Variants in CTDP1 observed in about 807,000 individuals in gnomAD.
CTDP1 encodes CTD phosphatase 1.
In CTDP1, 47 loss-of-function variants were observed where a neutral mutation model predicts 91.8. That is an observed-to-expected ratio of 0.51 (90% CI 0.41 to 0.65). CTDP1 has a LOEUF of 0.65. Ranked by LOEUF, CTDP1 falls within the 30% of genes least tolerant of loss-of-function variation. CTDP1 has a pLI of 0.00. For missense variants in CTDP1, 1,272 were observed against 1,373.7 expected (o/e 0.93, Z 1.17); for synonymous variants, 656 against 598.5 (o/e 1.10, Z -1.40).
chr18:79,714,976 G>A lies in CTDP1; in HGVS notation c.1516G>A (p.Gly506Arg), dbSNP rs1442575366. The part of the protein sequence containing the change: ...ALAQGSSLEP[G>R]RPAAPSLPGE... ...GGCACAGGGCAGTTCCCTGGAGCCGGGGCGGCCTGCAGCACCGAGTCTCCC... is the reference window on the plus strand; with the variant it reads ...GGCACAGGGCAGTTCCCTGGAGCCGAGGCGGCCTGCAGCACCGAGTCTCCC... Residue 506 changes from glycine (G) to arginine (R), a missense_variant, in exon 8 of 13, where the codon GGG becomes AGG. Transcript: ENST00000613122. The A allele has an allele frequency of 1.3e-6, 2 of 1,571,274 alleles. No individual in the cohort carries two copies. The highest frequency in any genetic ancestry group is 1.2e-5 in the South Asian group (1 of 86,192).
At chr18:79,724,426 T>G (rs2086405202) in intron 10 of CTDP1, among the ~76,000 whole-genome samples, 1 of 152,216 alleles carries the variant, frequency 6.6e-6, no homozygotes, top group Non-Finnish European at 1.5e-5. Context: ...CATCATCATT[T>G]CATGTTTTCA....
chr18:79,681,488 G>T (rs370036922), intron 1 of CTDP1: 3 of 985,316 alleles, frequency 3.0e-6, no homozygotes, highest in Non-Finnish European at 3.6e-6. Context: ...TCCTCTGATT[G>T]TACAGAAAGG....
At position 79,680,060 on chromosome 18, in the gene CTDP1, C is replaced by T. The variant is rs1292042896; in HGVS notation, c.113C>T (p.Ala38Val). 36 of 1,252,170 alleles carry T rather than the reference C, an allele frequency of 2.9e-5. No homozygotes were observed. Among genetic ancestry groups the T allele is most frequent in the Admixed American group, 4.2e-5 (1 of 23,562 alleles). The allele number at this position is 1,252,170 out of a possible 1,614,324, so 77.6% of individuals were successfully genotyped here. A position where few individuals can be genotyped will look rare whatever the true frequency, so the allele number is the denominator to read the frequency against. ...CTGCGCCTGCTGGAGTGGAGGGTGG[C>T]GGCGGGCGCGGCCGTGCGCATCGGC... ...APLRLLEWRV[A>V]AGAAVRIGSV... The change falls in exon 1 of 13, where the codon GCG becomes GTG. Residue 38 changes from alanine (A) to valine (V), a missense_variant. Ala to Val is a moderately conservative substitution (Grantham distance 64). Coordinates refer to ENST00000613122, the MANE Select transcript of CTDP1 (RefSeq NM_004715.5).
chr18:79,720,778 G>A (rs985675694), intron 10 of CTDP1, among the ~76,000 whole-genome samples: 2 of 152,114 alleles, frequency 1.3e-5, no homozygotes, highest in Admixed American at 6.5e-5. Flanking sequence ...TGACGCTGAC[G>A]ACCCACGGTT....
intron 10 of CTDP1, among the ~76,000 whole-genome samples, chr18:79,721,098 G>T (rs960376626): frequency 6.6e-6 from 1 of 152,170 alleles, no homozygotes; most frequent in African/African-American, 2.4e-5. Flanking sequence ...AGGCATAGCT[G>T]ATCCCACACG....
Position 79,680,166 on chromosome 18 carries a change from C to T in CTDP1, c.219C>T (p.Cys73=), listed in dbSNP as rs2085329094. ...AGTCCCGTGTAGCCTCCGGGGGCTGCGTGCGCCCCGCGCGGCCGGAACGCA... is the reference window on the plus strand; with the variant it reads ...AGTCCCGTGTAGCCTCCGGGGGCTGTGTGCGCCCCGCGCGGCCGGAACGCA... ...ASQSRVASGG[C]VRPARPERRL... is the part of the protein sequence containing the mutation. The change falls in exon 1 of 13, where the codon TGC becomes TGT. Residue 73 remains cysteine (C), a synonymous_variant. Coordinates refer to ENST00000613122, the MANE Select transcript of CTDP1 (RefSeq NM_004715.5). 1.0e-5 allele frequency: 14 copies of T among 1,388,598 alleles called. No homozygotes were observed. Among genetic ancestry groups the T allele is most frequent in the Non-Finnish European group, 1.3e-5 (14 of 1,077,032 alleles). The allele number at this position is 1,388,598 out of a possible 1,614,324, so 86.0% of individuals were successfully genotyped here. A position where few individuals can be genotyped will look rare whatever the true frequency, so the allele number is the denominator to read the frequency against.
At chr18:79,729,131 G>T (rs1444377405) in intron 11 of CTDP1, 62 bp downstream of exon 11, 4 of 1,602,378 alleles carry the variant, frequency 2.5e-6, no homozygotes, top group Non-Finnish European at 1.7e-6. Flanking sequence ...CAGAGCTCTG[G>T]TGTGCGGGCG....
At chr18:79,748,267 G>A (rs970707335) in intron 12 of CTDP1, among the ~76,000 whole-genome samples, 3 of 152,286 alleles carry the variant, frequency 2.0e-5, no homozygotes, top group Non-Finnish European at 2.9e-5. Flanking sequence ...TCCAAACATC[G>A]TTTAACTAAG....
In CTDP1 at chr18:79,696,081, C is replaced by CAT; in HGVS notation, c.492+12_492+13dup. The CAT allele has an allele frequency of 1.2e-6, 2 of 1,609,102 alleles. No homozygotes were observed. The highest frequency in any genetic ancestry group is 1.7e-6 in the Non-Finnish European group (2 of 1,179,400). On this transcript the variant is annotated intron_variant, in intron 3 of 12. Coordinates refer to ENST00000613122, the MANE Select transcript of CTDP1 (RefSeq NM_004715.5). Reference sequence around the variant, plus strand: ...ATGGTGAGCTCCGAGGTGAGCCGGGCATCAGTGGCGGCGTGTTGGGGAAGC... The same window carrying CAT: ...ATGGTGAGCTCCGAGGTGAGCCGGGCATATCAGTGGCGGCGTGTTGGGGAAGC...
intron 11 of CTDP1, among the ~76,000 whole-genome samples, chr18:79,731,728 T>C (rs1008475537): frequency 3.9e-5 from 6 of 152,230 alleles, no homozygotes; most frequent in African/African-American, 1.4e-4. Context: ...AAATTAACGT[T>C]GTAATTTTAT....
At chr18:79,719,830 C>T (rs1222233966) in intron 10 of CTDP1, among the ~76,000 whole-genome samples, 1 of 148,330 alleles carries the variant, frequency 6.7e-6, no homozygotes, top group Admixed American at 6.7e-5. Context: ...ATGATGTCAT[C>T]TCCTGCTGTT....
At chr18:79,731,281 G>A (rs1001588861) in intron 11 of CTDP1, among the ~76,000 whole-genome samples, 28 of 152,180 alleles carry the variant, frequency 1.8e-4, no homozygotes, top group African/African-American at 2.2e-4. Flanking sequence ...GGCCATTTCC[G>A]GCGCGTCAGT....
intron 3 of CTDP1, 150 bp from the exon 4 acceptor site, chr18:79,697,710 C>G (rs1246659443): frequency 2.5e-6 from 3 of 1,181,452 alleles, no homozygotes; most frequent in Admixed American, 2.0e-5. Flanking sequence ...TGACCCAGCC[C>G]TGCCTCTCGG....
At chr18:79,725,084 G>C (rs888611459) in intron 10 of CTDP1, among the ~76,000 whole-genome samples, 2 of 152,216 alleles carry the variant, frequency 1.3e-5, no homozygotes, top group African/African-American at 2.4e-5. Flanking sequence ...TCTTTTGCCT[G>C]TCAGTATGTG....
At chr18:79,733,595 G>A (rs1269480339) in intron 11 of CTDP1, among the ~76,000 whole-genome samples, 1 of 151,624 alleles carries the variant, frequency 6.6e-6, no homozygotes, top group Non-Finnish European at 1.5e-5. Flanking sequence ...GCGTTACCTC[G>A]TTTCTGCGTG....
At chr18:79,711,724 C>A (rs1299339785) in intron 6 of CTDP1, among the ~76,000 whole-genome samples, 1 of 152,216 alleles carries the variant, frequency 6.6e-6, no homozygotes, top group African/African-American at 2.4e-5. Flanking sequence ...TTTGCCATTT[C>A]TTCCTTTCCA....
chr18:79,715,384 A>G lies in CTDP1; in HGVS notation c.1924A>G (p.Ser642Gly). Residue 642 changes from serine (S) to glycine (G), a missense_variant, in exon 8 of 13, where the codon AGT becomes GGT. Physicochemically the swap from Ser to Gly is moderately conservative, Grantham distance 56. Transcript: ENST00000613122. ...KVLADVAIIF[S>G]GLHPTNFPIE... ...GCTGGCAGACGTGGCCATAATTTTCAGTGGGCTACACCCGACAAACTTCCC... is the reference window on the plus strand; with the variant it reads ...GCTGGCAGACGTGGCCATAATTTTCGGTGGGCTACACCCGACAAACTTCCC... 6.2e-7 allele frequency: 1 copy of G among 1,606,954 alleles called. No individual in the cohort carries two copies. The highest frequency in any genetic ancestry group is 1.3e-5 in the African/African-American group (1 of 74,950).
rs1267569953 is a variant in CTDP1 at position 79,710,315 on chromosome 18, A to G, written c.773-31A>G. 2.6e-6 allele frequency: 4 copies of G among 1,551,202 alleles called. No homozygotes were observed. In the East Asian group the frequency reaches 6.7e-5, roughly 26 times the overall value. ...CGTGTGACCGAAACGTGTCTCAGGTATGTAATCTTTGTCCTGTTTTCTTTT... is the reference window on the plus strand; with the variant it reads ...CGTGTGACCGAAACGTGTCTCAGGTGTGTAATCTTTGTCCTGTTTTCTTTT... On this transcript the variant is annotated intron_variant, in intron 5 of 12. Transcript: ENST00000613122.
At chr18:79,678,940 A>C, upstream of CTDP1, 2 of 179,638 alleles carry the variant, frequency 1.1e-5, no homozygotes, top group Non-Finnish European at 2.4e-5. Context: ...CAGCCTCCCG[A>C]AGTGCTGAGC....
Sources: gnomAD v4.1 joint callset for allele counts (sites outside exome capture counted in the v4.1 genomes callset) on GRCh38, gnomAD v4.1.1 for gene constraint, MANE v1.5 for transcripts, NCBI Gene and HGNC (gene_info 2026-07-23, HGNC 2026-07-21) for gene names.